Variants in SOS1 observed in about 807,000 individuals in gnomAD.
SOS1 encodes son of sevenless homolog 1.
In SOS1, 25 loss-of-function variants were observed where a neutral mutation model predicts 157.6. That is an observed-to-expected ratio of 0.16 (90% CI 0.12 to 0.22). The LOEUF (loss-of-function observed/expected upper bound fraction) is 0.22, where lower values mean the gene tolerates loss of function less well. SOS1 is among the 10% of genes least tolerant of loss of function. SOS1 has a pLI of 1.00. For synonymous variants in SOS1, 528 were observed against 534.0 expected, an observed-to-expected ratio of 0.99 and a Z score of 0.16; for missense variants, 1,237 against 1,599.1, an observed-to-expected ratio of 0.77 and a Z score of 3.86.
intron 8 of SOS1, among the ~76,000 whole-genome samples, chr2:39,034,564 T>C (rs946982048): frequency 6.6e-6 from 1 of 152,190 alleles, no homozygotes; most frequent in Non-Finnish European, 1.5e-5. Context: ...GAATTATAAT[T>C]TATACAGACT....
intron 5 of SOS1, among the ~76,000 whole-genome samples, chr2:39,053,205 T>C (rs1671083273): frequency 6.6e-6 from 1 of 152,168 alleles, no homozygotes; most frequent in South Asian, 2.1e-4. Flanking sequence ...ATATACTAGT[T>C]TACTTTCTCA....
At chr2:39,073,737 G>A (rs1488542513) in intron 1 of SOS1, among the ~76,000 whole-genome samples, 3 of 152,190 alleles carry the variant, frequency 2.0e-5, no homozygotes, top group African/African-American at 7.2e-5. Context: ...TTCTCCAAGT[G>A]TATTCAAGAA....
intron 19 of SOS1, 109 bp downstream of exon 19, chr2:38,996,813 C>T: frequency 6.9e-6 from 5 of 722,614 alleles, no homozygotes; most frequent in South Asian, 1.6e-5. Context: ...AGTACTTTTT[C>T]ATTACTTTTA....
intron 20 of SOS1, chr2:38,992,329 T>G (rs914601556): frequency 6.6e-6 from 1 of 152,192 alleles, no homozygotes; most frequent in African/African-American, 2.4e-5. Context: ...TTATTTTCAG[T>G]TTTTAACCAA....
chr2:38,988,290 G>A (rs1361331734), intron 21 of SOS1, among the ~76,000 whole-genome samples: 3 of 152,110 alleles, frequency 2.0e-5, no homozygotes, highest in Non-Finnish European at 4.4e-5. Flanking sequence ...TCTGATTTAA[G>A]AATAAGTTGG....
intron 1 of SOS1, among the ~76,000 whole-genome samples, chr2:39,103,856 T>TAA (rs1558514846): frequency 6.6e-6 from 1 of 152,218 alleles, no homozygotes; most frequent in Non-Finnish European, 1.5e-5. Flanking sequence ...ACTAAAAAGA[T>TAA]AAACTTTTGA....
chr2:38,989,081 G>T (rs974150095), intron 21 of SOS1, among the ~76,000 whole-genome samples, 189 bp downstream of exon 21: 2 of 151,850 alleles, frequency 1.3e-5, no homozygotes, highest in African/African-American at 4.8e-5. Context: ...AAAAGCATGA[G>T]AAATATATAA....
At chr2:39,086,448 C>T (rs1021156219) in intron 1 of SOS1, among the ~76,000 whole-genome samples, 1 of 152,144 alleles carries the variant, frequency 6.6e-6, no homozygotes, top group African/African-American at 2.4e-5. Context: ...CTCCATTATG[C>T]TTGAGATCTT....
intron 2 of SOS1, among the ~76,000 whole-genome samples, chr2:39,061,233 G>A (rs186009001): frequency 7.0e-6 from 1 of 142,906 alleles, no homozygotes; most frequent in East Asian, 2.0e-4. Flanking sequence ...AATGCATGCG[G>A]AAAGATTCGT....
intron 19 of SOS1, among the ~76,000 whole-genome samples, chr2:38,996,546 C>G (rs992127648): frequency 6.6e-6 from 1 of 152,078 alleles, no homozygotes; most frequent in Admixed American, 6.6e-5. Context: ...TATTTTATGG[C>G]TCATGATTCA....
chr2:39,089,972 C>CA lies in SOS1; in HGVS notation c.88-22220dup, dbSNP rs35640140. On this transcript the variant is annotated intron_variant, in intron 1 of 22. Coordinates refer to ENST00000402219, the MANE Select transcript of SOS1 (RefSeq NM_005633.4). Reference sequence around the variant, plus strand: ...TGAAATCCCGTCTCTACTAAAAATACAAAAAAAAAAAAAAAAAATTAGCCA... The same window carrying CA: ...TGAAATCCCGTCTCTACTAAAAATACAAAAAAAAAAAAAAAAAAATTAGCCA... Among the ~76,000 whole-genome samples the CA allele has an allele frequency of 2.5e-3, 314 of 125,358 alleles. 3 individuals carry two copies. The highest frequency in any genetic ancestry group is 0.011 in the East Asian group (46 of 4,334). 82.2% of individuals were successfully genotyped at this position (125,358 alleles called of 152,430 possible).
intron 1 of SOS1, among the ~76,000 whole-genome samples, chr2:39,090,522 C>T (rs936678777): frequency 4.0e-5 from 6 of 151,482 alleles, no homozygotes; most frequent in African/African-American, 1.5e-4. Flanking sequence ...ATGGCAAAAC[C>T]CCATCTCTAT....
At position 39,024,135 on chromosome 2, in the gene SOS1, C is replaced by G; in HGVS notation, c.1077G>C (p.Gln359His). 1 of 1,610,868 alleles carries G rather than the reference C, an allele frequency of 6.2e-7. No homozygotes were observed. Among genetic ancestry groups the G allele is most frequent in the Non-Finnish European group, 8.5e-7 (1 of 1,177,430 alleles). ...HCLHYFELLK[Q>H]LEEKSEDQED... ...CTTGATCTTCACTTTTTTCTTCTAA[C>G]TGCTGTAAAGCCAAAATGACAAATC... Residue 359 changes from glutamine to histidine, a missense_variant and splice_region_variant, in exon 9 of 23, where the codon CAG (glutamine) becomes CAC (histidine). Physicochemically the swap from Gln to His is conservative, Grantham distance 24. This residue lies in a region of SOS1 where 101 missense variants were observed against 171.5 expected (regional missense o/e 0.59). Coordinates refer to ENST00000402219, the MANE Select transcript of SOS1 (RefSeq NM_005633.4).
chr2:39,042,767 T>G (rs1422704402), intron 6 of SOS1, among the ~76,000 whole-genome samples: 4 of 151,804 alleles, frequency 2.6e-5, no homozygotes, highest in African/African-American at 7.3e-5. Flanking sequence ...TAGTCAGGTT[T>G]ATTTCCAGGT....
Position 39,078,553 on chromosome 2 carries a change from C to T in SOS1, c.88-10800G>A, listed in dbSNP as rs144893427. Among the ~76,000 whole-genome samples, 686 of 152,178 alleles carry T rather than the reference C, an allele frequency of 4.5e-3. 2 individuals are homozygous for T. Among genetic ancestry groups the T allele is most frequent in the Non-Finnish European group, 7.0e-3 (476 of 68,000 alleles). On this transcript the variant is annotated intron_variant, in intron 1 of 22. Coordinates refer to ENST00000402219, the MANE Select transcript of SOS1 (RefSeq NM_005633.4). The stretch of plus-strand genomic sequence containing the variant: ...GTGAGCAGCCTACCGGGGAGCATTA[C>T]CACCTGAGCTCTGTCTGTCAGATCA...
intron 11 of SOS1, among the ~76,000 whole-genome samples, chr2:39,014,243 C>G (rs1228677064): frequency 6.6e-6 from 1 of 151,944 alleles, no homozygotes; most frequent in Non-Finnish European, 1.5e-5. Context: ...AGAATACATG[C>G]AAATTCTAAA....
intron 6 of SOS1, among the ~76,000 whole-genome samples, chr2:39,044,852 G>GCA (rs1670700237): frequency 7.9e-5 from 3 of 37,990 alleles, no homozygotes; most frequent in Admixed American, 3.0e-4. Context: ...ACACACACAT[G>GCA]CGCGCGCGCG....
At chr2:39,061,730 G>C (rs866864420) in intron 2 of SOS1, among the ~76,000 whole-genome samples, 17 of 152,150 alleles carry the variant, frequency 1.1e-4, no homozygotes, top group African/African-American at 3.4e-4. Context: ...ACTGAACAAT[G>C]AAAGATTCAT....
At chr2:39,075,713 A>C (rs1363650205) in intron 1 of SOS1, among the ~76,000 whole-genome samples, 1 of 151,978 alleles carries the variant, frequency 6.6e-6, no homozygotes, top group African/African-American at 2.4e-5. Context: ...TAATAGAAAA[A>C]TTGCTAAAAG....
Sources: allele counts gnomAD v4.1 joint callset (sites outside exome capture counted in the v4.1 genomes callset), GRCh38; gene constraint gnomAD v4.1.1; regional missense constraint gnomAD v4.1.1; transcripts MANE v1.5; gene names NCBI Gene and HGNC (gene_info 2026-07-23, HGNC 2026-07-21).